Variants in KIF5C observed in about 807,000 individuals in gnomAD.
The protein encoded by KIF5C is kinesin family member 5C.
Under a neutral mutation model 125.2 loss-of-function variants are expected in KIF5C, and 18 were observed. The ratio of observed to expected loss-of-function variants is 0.14; its 90% CI spans 0.10 to 0.21. The LOEUF is 0.21. Ranked by LOEUF, KIF5C falls within the 10% of genes least tolerant of loss-of-function variation. The pLI, the probability that KIF5C is intolerant of heterozygous loss-of-function variation, is 1.00. For synonymous variants in KIF5C, 405 were observed against 434.0 expected, an observed-to-expected ratio of 0.93 and a Z score of 0.83; for missense variants, 780 against 1,183.8, an observed-to-expected ratio of 0.66 and a Z score of 5.01.
At chr2:148,970,684 A>G (rs961958596) in intron 11 of KIF5C, among the ~76,000 whole-genome samples, 2 of 152,094 alleles carry the variant, frequency 1.3e-5, no homozygotes, top group Admixed American at 1.3e-4. Context: ...TTAATGGGAG[A>G]AGAGGGCAGC....
At chr2:148,919,703 T>C (rs754567538) in intron 1 of KIF5C, among the ~76,000 whole-genome samples, 2 of 152,236 alleles carry the variant, frequency 1.3e-5, no homozygotes, top group Non-Finnish European at 2.9e-5. Flanking sequence ...AGTCAGTTCT[T>C]TGAAAATATT....
chr2:148,918,574 A>T (rs1370827643), intron 1 of KIF5C, among the ~76,000 whole-genome samples: 1 of 152,226 alleles, frequency 6.6e-6, no homozygotes, highest in Non-Finnish European at 1.5e-5. Context: ...ATAAGGAGAC[A>T]GGTAAATGAA....
At chr2:148,960,472 T>C (rs1211858858) in intron 10 of KIF5C, among the ~76,000 whole-genome samples, 1 of 152,084 alleles carries the variant, frequency 6.6e-6, no homozygotes, top group Non-Finnish European at 1.5e-5. Context: ...GAGGTGAGAG[T>C]GTCAAACAGG....
chr2:148,971,290 GTCTATCTATCTATCTATCTA>G (rs753154563), intron 11 of KIF5C, among the ~76,000 whole-genome samples: 11 of 137,222 alleles, frequency 8.0e-5, no homozygotes, highest in Non-Finnish European at 1.4e-4. Flanking sequence ...CTGTCTGTCT[GTCTATCTATCTATCTATCTA>G]TCTATCTATC....
chr2:148,922,739 T>A (rs1423853712), intron 2 of KIF5C, among the ~76,000 whole-genome samples: 1 of 152,238 alleles, frequency 6.6e-6, no homozygotes, highest in Non-Finnish European at 1.5e-5. Flanking sequence ...GTGTTGGTTA[T>A]TGAGCTGGTC....
intron 3 of KIF5C, 146 bp from the exon 4 acceptor site, chr2:148,937,138 G>T: frequency 8.4e-7 from 1 of 1,193,524 alleles, no homozygotes; most frequent in Non-Finnish European, 1.1e-6. Context: ...GGCAAGTCAG[G>T]TAGATGCCCA....
At chr2:148,929,234 A>G in intron 2 of KIF5C, 47 bp from the exon 3 acceptor site, 2 of 1,186,022 alleles carry the variant, frequency 1.7e-6, no homozygotes, top group Non-Finnish European at 2.4e-6. Context: ...ACACCAGCAT[A>G]TGATCAAAGT....
intron 1 of KIF5C, among the ~76,000 whole-genome samples, chr2:148,886,821 C>A (rs1401904630): frequency 6.6e-6 from 1 of 152,186 alleles, no homozygotes; most frequent in African/African-American, 2.4e-5. Context: ...CACCCAGACT[C>A]CCCTAGGATA....
chr2:148,958,949 ACT>A (rs1322783090), intron 10 of KIF5C, among the ~76,000 whole-genome samples: 1 of 151,402 alleles, frequency 6.6e-6, no homozygotes, highest in African/African-American at 2.4e-5. Context: ...GTGCCACTGC[ACT>A]CCAGCCTGGG....
At chr2:148,927,543 T>C (rs1682051802) in intron 2 of KIF5C, among the ~76,000 whole-genome samples, 1 of 152,068 alleles carries the variant, frequency 6.6e-6, no homozygotes, top group Admixed American at 6.5e-5. Context: ...TAATAAATGG[T>C]AATTTCGAAT....
At chr2:148,972,141 T>C (rs927480787) in intron 11 of KIF5C, among the ~76,000 whole-genome samples, 1 of 152,134 alleles carries the variant, frequency 6.6e-6, no homozygotes, top group African/African-American at 2.4e-5. Context: ...TTAGTAGAGA[T>C]GGTATTTCAC....
chr2:148,942,825 G>C (rs1008540929), intron 7 of KIF5C, 65 bp downstream of exon 7: 4 of 1,562,012 alleles, frequency 2.6e-6, no homozygotes, highest in Non-Finnish European at 3.5e-6. Context: ...CACCAACCGA[G>C]GGGGGTGGGG....
chr2:148,987,380 C>G (rs1681406596), intron 15 of KIF5C, among the ~76,000 whole-genome samples: 1 of 152,040 alleles, frequency 6.6e-6, no homozygotes, highest in Non-Finnish European at 1.5e-5. Flanking sequence ...CTGGCCAGAA[C>G]CAGAACCACT....
intron 12 of KIF5C, among the ~76,000 whole-genome samples, chr2:148,978,349 T>G (rs1267184308): frequency 6.7e-6 from 1 of 148,382 alleles, no homozygotes; most frequent in African/African-American, 2.5e-5. Flanking sequence ...TTTTTTTTTT[T>G]TTTTTTTTTT....
Position 148,998,676 on chromosome 2 carries a change from C to T in KIF5C, c.2210+167C>T, listed in dbSNP as rs144646086. On this transcript the variant is annotated intron_variant, in intron 19 of 25. Transcript: ENST00000435030. ...CGGGCTGCTTCCAAGGTCTGTTCTC[C>T]GATCTGGAGCTGAGCCTCCTGGAGC... 1.4e-4 allele frequency: 155 copies of T among 1,146,816 alleles called. 2 individuals carry two copies. In the Middle Eastern group the frequency reaches 3.9e-3, roughly 29 times the overall value. 71.0% of individuals were successfully genotyped at this position (1,146,816 alleles called of 1,614,324 possible). A position where few individuals can be genotyped will look rare whatever the true frequency, so the allele number is the denominator to read the frequency against.
intron 10 of KIF5C, among the ~76,000 whole-genome samples, chr2:148,955,070 C>G (rs995174934): frequency 3.9e-5 from 6 of 152,114 alleles, no homozygotes; most frequent in Non-Finnish European, 1.5e-5. Context: ...TTTAAAGACA[C>G]AAAATTTTCA....
At chr2:148,882,810 C>A (rs1681404271) in intron 1 of KIF5C, among the ~76,000 whole-genome samples, 1 of 152,200 alleles carries the variant, frequency 6.6e-6, no homozygotes, top group Admixed American at 6.5e-5. Context: ...TGTACTTTGC[C>A]CTTCCCCAGT....
At chr2:148,994,699 CTTTCT>C (rs1268559445) in intron 17 of KIF5C, among the ~76,000 whole-genome samples, 161 bp downstream of exon 17, 2 of 151,326 alleles carry the variant, frequency 1.3e-5, no homozygotes, top group Non-Finnish European at 3.0e-5. Context: ...TCTTTTCTTT[CTTTCT>C]TTCTTTTTTT....
At chr2:148,905,962 GCA>G (rs1681089640) in intron 1 of KIF5C, among the ~76,000 whole-genome samples, 1 of 152,270 alleles carries the variant, frequency 6.6e-6, no homozygotes, top group East Asian at 1.9e-4. Flanking sequence ...CATGAGAACA[GCA>G]CAGGAAAGAC....
Sources: gnomAD v4.1 joint callset for allele counts (sites outside exome capture counted in the v4.1 genomes callset) on GRCh38, gnomAD v4.1.1 for gene constraint, MANE v1.5 for transcripts, NCBI Gene and HGNC (gene_info 2026-07-23, HGNC 2026-07-21) for gene names.